Variants in CADM2 observed in about 807,000 individuals in gnomAD.
CADM2 encodes immunoglobulin superfamily member 4D.
CADM2 carries 12 observed loss-of-function variants against 49.8 expected under a neutral mutation model. The ratio of observed to expected loss-of-function variants is 0.24; its 90% CI spans 0.15 to 0.39. The LOEUF is 0.39. Among genes scored for constraint, CADM2 ranks in the 10% least tolerant of loss-of-function variants. CADM2 has a pLI of 1.00. For missense variants in CADM2, 378 were observed against 492.3 expected (o/e 0.77, Z 2.20); for synonymous variants, 214 against 175.4 (o/e 1.22, Z -1.74).
At chr3:85,781,929 A>G (rs1320892924) in intron 2 of CADM2, among the ~76,000 whole-genome samples, 1 of 152,232 alleles carries the variant, frequency 6.6e-6, no homozygotes, top group Admixed American at 6.5e-5. Flanking sequence ...ACCTACTGTA[A>G]ATGTTATGCA....
At position 85,317,785 on chromosome 3, in the gene CADM2, G is replaced by A. The variant is rs185910558; in HGVS notation, c.61+358117G>A. 1.7e-3 allele frequency among the ~76,000 whole-genome samples: 263 copies of A among 152,264 alleles called. 1 individual carries two copies. The highest frequency in any genetic ancestry group is 6.0e-3 in the African/African-American group (251 of 41,562). ...ATTAGATTCCCGACTCAAGAATTCCGGGGTACATATTCATGCTATAGCAGT... is the reference window on the plus strand; with the variant it reads ...ATTAGATTCCCGACTCAAGAATTCCAGGGTACATATTCATGCTATAGCAGT... On this transcript the variant is annotated intron_variant, in intron 1 of 9. Transcript: ENST00000383699.
intron 5 of CADM2, among the ~76,000 whole-genome samples, chr3:85,895,405 T>A (rs934307816): frequency 4.6e-5 from 7 of 152,334 alleles, no homozygotes; most frequent in Non-Finnish European, 1.0e-4. Flanking sequence ...ACAGGTGTAT[T>A]TACCCAATAA....
chr3:85,328,622 A>G (rs2044821045), intron 1 of CADM2, among the ~76,000 whole-genome samples: 1 of 152,184 alleles, frequency 6.6e-6, no homozygotes, highest in Non-Finnish European at 1.5e-5. Flanking sequence ...TCAAGAGTCA[A>G]AGACTCTAAA....
chr3:84,973,478 A>G (rs1341927555), intron 1 of CADM2, among the ~76,000 whole-genome samples: 2 of 152,166 alleles, frequency 1.3e-5, no homozygotes, highest in Non-Finnish European at 2.9e-5. Context: ...AGAACCTGAC[A>G]GGTGAAAAAG....
At chr3:85,138,034 T>C (rs1161449669) in intron 1 of CADM2, among the ~76,000 whole-genome samples, 2 of 152,144 alleles carry the variant, frequency 1.3e-5, no homozygotes, top group Non-Finnish European at 2.9e-5. Flanking sequence ...TTGACCTCTT[T>C]CAACCTAATC....
chr3:85,408,009 CCA>C (rs2035473901), intron 1 of CADM2, among the ~76,000 whole-genome samples: 1 of 5,358 alleles, frequency 1.9e-4, no homozygotes, highest in African/African-American at 2.7e-4. Flanking sequence ...CAAAACAAAA[CCA>C]AAAAAAAAAA....
intron 1 of CADM2, among the ~76,000 whole-genome samples, chr3:85,468,153 CAAAAAAAAAAA>C (rs57721920): frequency 1.8e-5 from 1 of 55,336 alleles, no homozygotes; most frequent in Non-Finnish European, 2.9e-5. Context: ...GACTCCGTCT[CAAAAAAAAAAA>C]AAAAAAAAAA....
chr3:85,096,227 T>C (rs922208061), intron 1 of CADM2, among the ~76,000 whole-genome samples: 2 of 152,174 alleles, frequency 1.3e-5, no homozygotes, highest in South Asian at 2.1e-4. Flanking sequence ...AAAGTATTAG[T>C]ACAGTGAGTT....
intron 2 of CADM2, among the ~76,000 whole-genome samples, chr3:85,787,547 C>G (rs1325739179): frequency 6.6e-6 from 1 of 152,080 alleles, no homozygotes; most frequent in African/African-American, 2.4e-5. Context: ...CCACAGTTGG[C>G]TCCGTGAAAC....
chr3:85,767,533 A>T (rs1305376998), intron 2 of CADM2, among the ~76,000 whole-genome samples: 1 of 152,082 alleles, frequency 6.6e-6, no homozygotes, highest in African/African-American at 2.4e-5. Flanking sequence ...CTTCTCACTA[A>T]ATTTCTTGTG....
At chr3:84,975,958 T>G (rs1006826125) in intron 1 of CADM2, among the ~76,000 whole-genome samples, 2 of 151,862 alleles carry the variant, frequency 1.3e-5, no homozygotes, top group Non-Finnish European at 3.0e-5. Flanking sequence ...GAACTGGGAT[T>G]GTTTATTCAC....
At chr3:85,015,116 T>C (rs1164420034) in intron 1 of CADM2, among the ~76,000 whole-genome samples, 9 of 152,112 alleles carry the variant, frequency 5.9e-5, no homozygotes, top group Non-Finnish European at 4.4e-5. Context: ...TATATAAGTA[T>C]ATGTGTGTAT....
chr3:85,061,646 A>T (rs987391158), intron 1 of CADM2, among the ~76,000 whole-genome samples: 17 of 152,090 alleles, frequency 1.1e-4, no homozygotes, highest in African/African-American at 4.1e-4. Flanking sequence ...GTCACCAAAG[A>T]GGGCTTTATT....
At chr3:85,273,612 C>T (rs1334896203) in intron 1 of CADM2, among the ~76,000 whole-genome samples, 1 of 151,194 alleles carries the variant, frequency 6.6e-6, no homozygotes, top group African/African-American at 2.4e-5. Context: ...GATCTGAGCA[C>T]CTACATGTGA....
At chr3:85,286,522 G>A (rs965594775) in intron 1 of CADM2, among the ~76,000 whole-genome samples, 3 of 152,150 alleles carry the variant, frequency 2.0e-5, no homozygotes, top group East Asian at 1.9e-4. Flanking sequence ...TCTTAAATTA[G>A]GTAATTGGCA....
At chr3:86,037,460 A>G (rs1269608800) in intron 8 of CADM2, among the ~76,000 whole-genome samples, 7 of 152,198 alleles carry the variant, frequency 4.6e-5, no homozygotes, top group African/African-American at 1.7e-4. Context: ...GGCAAGCACT[A>G]AACTATAATG....
intron 7 of CADM2, among the ~76,000 whole-genome samples, chr3:85,944,728 C>T (rs143978856): frequency 4.9e-4 from 74 of 151,820 alleles, no homozygotes; most frequent in African/African-American, 1.5e-3. Context: ...TTGAAACCAA[C>T]GAGAACAAAG....
At chr3:85,667,410 T>C (rs78532577) in intron 1 of CADM2, among the ~76,000 whole-genome samples, 23,891 of 152,000 alleles carry the variant, frequency 0.16, 2,034 homozygotes, top group African/African-American at 0.22. Context: ...GTCCAGTATG[T>C]ATTTTCTACT....
At chr3:85,858,682 T>C (rs1174878530) in intron 3 of CADM2, among the ~76,000 whole-genome samples, 4 of 152,222 alleles carry the variant, frequency 2.6e-5, no homozygotes, top group African/African-American at 9.6e-5. Flanking sequence ...AATTACACTT[T>C]ACTCACTGCT....
Sources: gnomAD v4.1 joint callset for allele counts (sites outside exome capture counted in the v4.1 genomes callset) on GRCh38, gnomAD v4.1.1 for gene constraint, MANE v1.5 for transcripts, NCBI Gene and HGNC (gene_info 2026-07-23, HGNC 2026-07-21) for gene names.